SRBD1: variants seen among roughly 807,000 people sequenced by gnomAD.
SRBD1 encodes the protein S1 RNA binding domain 1, also known as S1 RNA-binding domain-containing protein 1.
Under a neutral mutation model 115.3 loss-of-function variants are expected in SRBD1, and 88 were observed. The observed-to-expected ratio is 0.76, with a 90% CI of 0.64 to 0.91. The LOEUF (loss-of-function observed/expected upper bound fraction) is 0.91, where lower values mean the gene tolerates loss of function less well. Among genes scored for constraint, SRBD1 ranks in the 40% least tolerant of loss-of-function variants. The probability of loss-of-function intolerance (pLI) is 0.00; values close to 1 mark genes in which losing one functional copy is unlikely to be tolerated. For synonymous variants in SRBD1, 509 were observed against 407.7 expected, an observed-to-expected ratio of 1.25 and a Z score of -2.99; for missense variants, 1,385 against 1,177.4, an observed-to-expected ratio of 1.18 and a Z score of -2.58.
rs1436051831 is a variant in SRBD1 at position 45,398,563 on chromosome 2, A to AT, written c.2514-5435dup. On this transcript the variant is annotated intron_variant, in intron 19 of 20. Coordinates refer to ENST00000263736, the MANE Select transcript of SRBD1 (RefSeq NM_018079.5). ...TGGATACTCATTGCATGTTGCATTC[A>AT]TTGTATGTAGGAGAATATATCCTTA... Among the ~76,000 whole-genome samples, 12 of 152,284 alleles carry AT rather than the reference A, an allele frequency of 7.9e-5. No homozygotes were observed. In the East Asian group the frequency reaches 2.3e-3, roughly 29 times the overall value.
At chr2:45,516,223 T>C (rs1485127051) in intron 14 of SRBD1, among the ~76,000 whole-genome samples, 1 of 152,128 alleles carries the variant, frequency 6.6e-6, no homozygotes, top group Non-Finnish European at 1.5e-5. Flanking sequence ...AAATAGACAT[T>C]CCAAACATGT....
chr2:45,558,183 A>C (rs1436682208), intron 10 of SRBD1, among the ~76,000 whole-genome samples: 1 of 152,196 alleles, frequency 6.6e-6, no homozygotes, highest in East Asian at 1.9e-4. Flanking sequence ...CAAGTTCTGA[A>C]GCCAGGTGTG....
intron 18 of SRBD1, among the ~76,000 whole-genome samples, chr2:45,417,037 T>C (rs1400425085): frequency 2.6e-5 from 4 of 152,180 alleles, no homozygotes; most frequent in Non-Finnish European, 2.9e-5. Flanking sequence ...TCCTGGCCTA[T>C]GCTGTGAGTT....
At position 45,488,174 on chromosome 2, in the gene SRBD1, G is replaced by A. The variant is rs550374995; in HGVS notation, c.1966+66C>T. The A allele has an allele frequency of 7.2e-5, 96 of 1,339,244 alleles. No homozygotes were observed. In the African/African-American group the frequency reaches 8.1e-4, roughly 11 times the overall value. The allele number at this position is 1,339,244 out of a possible 1,614,324, so 83.0% of individuals were successfully genotyped here. ...TTTTCTTTGATATTTAGAATATTTAGCATGCCACACATGCTGCCCAAAATA... is the reference window on the plus strand; with the variant it reads ...TTTTCTTTGATATTTAGAATATTTAACATGCCACACATGCTGCCCAAAATA... On this transcript the variant is annotated intron_variant, in intron 15 of 20. Transcript: ENST00000263736.
chr2:45,406,880 T>C (rs1188146800), intron 19 of SRBD1, among the ~76,000 whole-genome samples: 6 of 152,170 alleles, frequency 3.9e-5, no homozygotes, highest in Non-Finnish European at 8.8e-5. Flanking sequence ...ATACTTTTTT[T>C]TTTTTCTTCT....
At chr2:45,504,655 G>A (rs1367968484) in intron 14 of SRBD1, among the ~76,000 whole-genome samples, 1 of 151,956 alleles carries the variant, frequency 6.6e-6, no homozygotes. Flanking sequence ...ATTACTAGAA[G>A]GCAAAAACTT....
chr2:45,442,843 C>T (rs1423690054), intron 16 of SRBD1, among the ~76,000 whole-genome samples: 1 of 152,212 alleles, frequency 6.6e-6, no homozygotes, highest in Non-Finnish European at 1.5e-5. Context: ...GCTACCTTTA[C>T]ATGCCACCCT....
At chr2:45,406,272 A>C (rs918506775) in intron 19 of SRBD1, among the ~76,000 whole-genome samples, 34 of 151,748 alleles carry the variant, frequency 2.2e-4, no homozygotes, top group African/African-American at 7.8e-4. Context: ...AGGAGTAAAA[A>C]TACAGAGACA....
intron 16 of SRBD1, among the ~76,000 whole-genome samples, chr2:45,431,681 A>C (rs1668342140): frequency 6.6e-6 from 1 of 152,168 alleles, no homozygotes; most frequent in Non-Finnish European, 1.5e-5. Context: ...AATGTGGATG[A>C]TGGGTTGATG....
chr2:45,603,321 T>C (rs970363683), intron 2 of SRBD1, among the ~76,000 whole-genome samples: 2 of 152,220 alleles, frequency 1.3e-5, no homozygotes, highest in African/African-American at 4.8e-5. Context: ...CAGGAGCATC[T>C]GGCACTCACC....
At chr2:45,506,122 T>C (rs1259879406) in intron 14 of SRBD1, among the ~76,000 whole-genome samples, 1 of 152,124 alleles carries the variant, frequency 6.6e-6, no homozygotes, top group Non-Finnish European at 1.5e-5. Flanking sequence ...CAGTGATTTG[T>C]TTAGGGAGGA....
At chr2:45,600,327 G>A (rs1273615230) in intron 3 of SRBD1, among the ~76,000 whole-genome samples, 1 of 152,054 alleles carries the variant, frequency 6.6e-6, no homozygotes. Context: ...AATGGATAAA[G>A]AGTACATGGA....
intron 14 of SRBD1, among the ~76,000 whole-genome samples, chr2:45,501,272 G>A (rs1178115254): frequency 6.6e-6 from 1 of 152,118 alleles, no homozygotes; most frequent in Non-Finnish European, 1.5e-5. Flanking sequence ...AAAATTTTTT[G>A]ATTTTTAATT....
intron 16 of SRBD1, among the ~76,000 whole-genome samples, chr2:45,461,078 C>A (rs964580323): frequency 1.5e-4 from 23 of 152,170 alleles, no homozygotes; most frequent in African/African-American, 5.5e-4. Context: ...TGTCTTTAAA[C>A]TACACAAATA....
At chr2:45,465,716 T>G (rs1233650025) in intron 16 of SRBD1, among the ~76,000 whole-genome samples, 2 of 152,222 alleles carry the variant, frequency 1.3e-5, no homozygotes, top group African/African-American at 2.4e-5. Context: ...GTAACCTTGA[T>G]TTTTACAAGA....
At chr2:45,450,800 G>C (rs749810574) in intron 16 of SRBD1, among the ~76,000 whole-genome samples, 21 of 152,078 alleles carry the variant, frequency 1.4e-4, no homozygotes, top group Admixed American at 2.0e-4. Context: ...AGTTTGGACA[G>C]GTCCCAGCCA....
In SRBD1 at chr2:45,439,290, C is replaced by T. The variant is rs557709864; in HGVS notation, c.2050-19396G>A. On this transcript the variant is annotated intron_variant, in intron 16 of 20. Coordinates refer to ENST00000263736, the MANE Select transcript of SRBD1 (RefSeq NM_018079.5). The stretch of plus-strand genomic sequence containing the variant: ...ATATATGGGTAAATATAAAATTGTG[C>T]GTGTTTATTCTAATTTTACTTAAAA... Among the ~76,000 whole-genome samples the T allele has an allele frequency of 6.0e-5, 9 of 151,206 alleles. No homozygotes were observed. In the South Asian group the frequency reaches 8.4e-4, roughly 14 times the overall value.
intron 16 of SRBD1, among the ~76,000 whole-genome samples, chr2:45,466,159 T>A (rs1472071027): frequency 1.3e-5 from 2 of 152,174 alleles, no homozygotes; most frequent in Non-Finnish European, 2.9e-5. Flanking sequence ...GCTGTTCTTT[T>A]GTGTGTGTTG....
At chr2:45,572,310 T>C (rs946556955) in intron 9 of SRBD1, among the ~76,000 whole-genome samples, 2 of 152,142 alleles carry the variant, frequency 1.3e-5, no homozygotes, top group African/African-American at 4.8e-5. Flanking sequence ...GAATGAAATG[T>C]TTAATGGGCA....
Sources: gnomAD v4.1 joint callset for allele counts (sites outside exome capture counted in the v4.1 genomes callset) on GRCh38, gnomAD v4.1.1 for gene constraint, MANE v1.5 for transcripts, NCBI Gene and HGNC (gene_info 2026-07-23, HGNC 2026-07-21) for gene names.